BAZ2A: variants seen among roughly 807,000 people sequenced by gnomAD.
BAZ2A encodes the protein bromodomain adjacent to zinc finger domain protein 2A.
In BAZ2A, 34 loss-of-function variants were observed where a neutral mutation model predicts 199.9. The ratio of observed to expected loss-of-function variants is 0.17; its 90% CI spans 0.13 to 0.23. The LOEUF (loss-of-function observed/expected upper bound fraction) is 0.23. Ranked by LOEUF, BAZ2A falls within the 10% of genes least tolerant of loss-of-function variation. BAZ2A has a pLI of 1.00. For synonymous variants in BAZ2A, 857 were observed against 883.9 expected (o/e 0.97, Z 0.54); for missense variants, 2,002 against 2,391.1 (o/e 0.84, Z 3.39).
In BAZ2A at chr12:56,611,653, C is replaced by A. The variant is rs1298043001; in HGVS notation, c.1610-20G>T. The A allele has an allele frequency of 6.3e-7, 1 of 1,589,566 alleles. No homozygotes were observed. The highest frequency in any genetic ancestry group is 2.2e-5 in the East Asian group (1 of 44,794). Reference sequence around the variant, plus strand: ...CATCACCTTGGGAGGAAGGGATACCCAAGTTAAGAGTTCAAGCAAAATATT... The same window carrying A: ...CATCACCTTGGGAGGAAGGGATACCAAAGTTAAGAGTTCAAGCAAAATATT... On this transcript the variant is annotated intron_variant, in intron 6 of 28. Transcript: ENST00000549884.
At chr12:56,604,177 T>TCTCTC in intron 16 of BAZ2A, 40 bp downstream of exon 16, 1 of 1,557,974 alleles carries the variant, frequency 6.4e-7, no homozygotes, top group East Asian at 2.3e-5. Flanking sequence ...CCGCCCCACT[T>TCTCTC]CTCTCCTCTC....
Position 56,603,504 on chromosome 12 carries a change from G to T in BAZ2A, c.3219+16C>A. Reference sequence around the variant, plus strand: ...TTATTTTCTAACTCCCACTTTCCTTGATCTTGGGCCAGTACCTCTCCATCT... The same window carrying T: ...TTATTTTCTAACTCCCACTTTCCTTTATCTTGGGCCAGTACCTCTCCATCT... On this transcript the variant is annotated intron_variant, in intron 17 of 28. Coordinates refer to ENST00000549884, the MANE Select transcript of BAZ2A (RefSeq NM_001300905.2). 6.2e-7 allele frequency: 1 copy of T among 1,613,842 alleles called. No homozygotes were observed. The highest frequency in any genetic ancestry group is 8.5e-7 in the Non-Finnish European group (1 of 1,179,806).
Position 56,617,381 on chromosome 12 carries a change from GC to G in BAZ2A, c.136+13del. On this transcript the variant is annotated intron_variant, in intron 2 of 28. Coordinates refer to ENST00000549884, the MANE Select transcript of BAZ2A (RefSeq NM_001300905.2). Reference sequence around the variant, plus strand: ...GCCCATTCCCTCCCCAGGCCAAGCAGCCCTCACACTCACTTTTCCCTTGCTG... The same window carrying G: ...GCCCATTCCCTCCCCAGGCCAAGCAGCCTCACACTCACTTTTCCCTTGCTG... The G allele has an allele frequency of 6.3e-7, 1 of 1,588,320 alleles. No homozygotes were observed. The highest frequency in any genetic ancestry group is 8.6e-7 in the Non-Finnish European group (1 of 1,167,112).
At chr12:56,630,561 C>T (rs1951281022), upstream of BAZ2A, among the ~76,000 whole-genome samples, 1 of 152,270 alleles carries the variant, frequency 6.6e-6, no homozygotes, top group African/African-American at 2.4e-5. Flanking sequence ...AGGCATGCCA[C>T]AGTCCCAAGG....
intron 2 of BAZ2A, 72 bp from the exon 3 acceptor site, chr12:56,615,679 T>A: frequency 1.7e-6 from 2 of 1,150,252 alleles, no homozygotes; most frequent in Non-Finnish European, 2.4e-6. Context: ...AAACTCAAAG[T>A]AATAGCACTG....
intron 23 of BAZ2A, 56 bp from the exon 24 acceptor site, chr12:56,600,546 G>A: frequency 1.3e-6 from 2 of 1,569,028 alleles, no homozygotes; most frequent in Admixed American, 1.9e-5. Flanking sequence ...ATTTGGCATA[G>A]GAAAAAAAAA....
At chr12:56,620,824 G>A (rs1231292397) in intron 1 of BAZ2A, among the ~76,000 whole-genome samples, 1 of 152,080 alleles carries the variant, frequency 6.6e-6, no homozygotes, top group Non-Finnish European at 1.5e-5. Context: ...GCCTCCCAAT[G>A]TGCTGGGATT....
upstream of BAZ2A, chr12:56,636,379 TG>T: frequency 2.1e-6 from 2 of 946,490 alleles, no homozygotes; most frequent in Non-Finnish European, 2.8e-6. Context: ...TGTGACAGAC[TG>T]GGGTGGGGAG....
At chr12:56,618,082 A>T (rs1239938601) in intron 1 of BAZ2A, among the ~76,000 whole-genome samples, 1 of 152,190 alleles carries the variant, frequency 6.6e-6, no homozygotes, top group Non-Finnish European at 1.5e-5. Flanking sequence ...TACATTAGTA[A>T]AGGGATTTGA....
intron 3 of BAZ2A, among the ~76,000 whole-genome samples, chr12:56,614,504 A>T (rs890479988): frequency 1.3e-5 from 2 of 152,212 alleles, no homozygotes; most frequent in African/African-American, 4.8e-5. Context: ...GAGGGAAAAG[A>T]TGAGAGGGGC....
At chr12:56,603,762 C>T in intron 16 of BAZ2A, 62 bp from the exon 17 acceptor site, 2 of 1,583,554 alleles carry the variant, frequency 1.3e-6, no homozygotes, top group East Asian at 4.5e-5. Flanking sequence ...CCTGTAATTC[C>T]AGCACTTTGG....
rs575549117 is a variant in BAZ2A, at chr12:56,605,904, C to T, written c.2419G>A (p.Glu807Lys). ...AAGATCATCTGCTGCCTCTGCCGTT[C>T]CTCCAAGCGCCTCTGTGTGGCCAGG... The part of the protein sequence containing the change: ...KTLATQRRLE[E>K]RQRQQMILEE... The change falls in exon 13 of 29, where the codon GAA (glutamate) becomes AAA (lysine). Residue 807 changes from glutamate to lysine, a missense_variant. By Grantham distance (56) the Glu-to-Lys change is moderately conservative. Around this residue, in one of 6 missense-constraint regions of BAZ2A, gnomAD observed 1,081 missense variants for 1,274.7 expected, o/e 0.85. Coordinates refer to ENST00000549884, the MANE Select transcript of BAZ2A (RefSeq NM_001300905.2). The T allele has an allele frequency of 3.0e-5, 47 of 1,585,190 alleles. No homozygotes were observed. The South Asian group carries it at 5.0e-4, about 17-fold the overall frequency.
rs189834788 is a variant in BAZ2A at position 56,605,673 on chromosome 12, C to T, written c.2493+157G>A. ...CTGGGCTCAAGCGATCTGCCCGCCT[C>T]GGCCTCCCAAAGTGCTGGGATTACA... On this transcript the variant is annotated intron_variant, in intron 13 of 28. Coordinates refer to ENST00000549884, the MANE Select transcript of BAZ2A (RefSeq NM_001300905.2). 1.1e-3 allele frequency: 889 copies of T among 839,436 alleles called. 3 individuals carry two copies. The highest frequency in any genetic ancestry group is 1.0e-3 in the Non-Finnish European group (579 of 557,492). 52.0% of individuals were successfully genotyped at this position (839,436 alleles called of 1,614,324 possible).
chr12:56,599,484 T>C lies in BAZ2A; in HGVS notation c.5173-126A>G. Reference sequence around the variant, plus strand: ...CATGCATAAGCCGGCATTGGTTTATTCACATAACCCAATGAAGTAGGTAAA... The same window carrying C: ...CATGCATAAGCCGGCATTGGTTTATCCACATAACCCAATGAAGTAGGTAAA... On this transcript the variant is annotated intron_variant, in intron 26 of 28. Coordinates refer to ENST00000549884, the MANE Select transcript of BAZ2A (RefSeq NM_001300905.2). The C allele has an allele frequency of 4.8e-6, 6 of 1,253,780 alleles. No homozygotes were observed. In the South Asian group the frequency reaches 5.9e-5, roughly 12 times the overall value. The allele number at this position is 1,253,780 out of a possible 1,614,324, so 77.7% of individuals were successfully genotyped here.
At chr12:56,637,765 G>C (rs1951480253), upstream of BAZ2A, among the ~76,000 whole-genome samples, 1 of 132,314 alleles carries the variant, frequency 7.6e-6, no homozygotes, top group Non-Finnish European at 1.5e-5. Context: ...ACATGGAATA[G>C]AGGCCAAAAA....
intron 17 of BAZ2A, 42 bp from the exon 18 acceptor site, chr12:56,603,460 A>G: frequency 6.2e-7 from 1 of 1,613,872 alleles, no homozygotes; most frequent in South Asian, 1.1e-5. Context: ...GGAGGTTATC[A>G]GATTCAAGAA....
At chr12:56,636,368 G>C (rs1201261062), upstream of BAZ2A, 15 of 1,381,770 alleles carry the variant, frequency 1.1e-5, no homozygotes, top group Non-Finnish European at 1.4e-5. Context: ...TGATGTCCCT[G>C]TGTGACAGAC....
chr12:56,637,947 C>T (rs1420504987), upstream of BAZ2A, among the ~76,000 whole-genome samples: 1 of 152,102 alleles, frequency 6.6e-6, no homozygotes. Context: ...GCTGAAACTG[C>T]TTCTTATAGC....
At position 56,625,219 on chromosome 12, in the gene BAZ2A, G is replaced by A. The variant is rs942661560; in HGVS notation, c.-3+4906C>T. 5.6e-5 allele frequency among the ~76,000 whole-genome samples: 8 copies of A among 143,434 alleles called. No homozygotes were observed. In the East Asian group the frequency reaches 6.1e-4, roughly 11 times the overall value. The allele number at this position is 143,434 out of a possible 152,430, so 94.1% of individuals were successfully genotyped here. ...TGCCCAGGCTGGGGTGCAGTGGCAC[G>A]ATCTCTGCTCACTGCAACCTCCATC... On this transcript the variant is annotated intron_variant, in intron 1 of 28. Transcript: ENST00000549884.
Sources: allele counts gnomAD v4.1 joint callset (sites outside exome capture counted in the v4.1 genomes callset), GRCh38; gene constraint gnomAD v4.1.1; regional missense constraint gnomAD v4.1.1; transcripts MANE v1.5; gene names NCBI Gene and HGNC (gene_info 2026-07-23, HGNC 2026-07-21).